The following EYA4 variants were observed in gnomAD, a reference collection of about 807,000 sequenced individuals.
EYA4 encodes the protein EYA transcriptional coactivator and phosphatase 4, also known as protein phosphatase EYA4.
Under a neutral mutation model 87.9 loss-of-function variants are expected in EYA4, and 31 were observed. That is an observed-to-expected ratio of 0.35 (90% CI 0.27 to 0.48). The LOEUF (loss-of-function observed/expected upper bound fraction) is 0.48. EYA4 is among the 20% of genes least tolerant of loss of function. The pLI, the probability that EYA4 is intolerant of heterozygous loss-of-function variation, is 0.99. For missense variants in EYA4, 678 were observed against 761.4 expected (o/e 0.89, Z 1.29); for synonymous variants, 263 against 270.6 (o/e 0.97, Z 0.28).
intron 11 of EYA4, among the ~76,000 whole-genome samples, chr6:133,477,979 A>T (rs1795889411): frequency 6.6e-6 from 1 of 152,130 alleles, no homozygotes. Context: ...ATATCAAATG[A>T]GCAAGAAACA....
chr6:133,255,729 T>C (rs1178098129), intron 1 of EYA4, among the ~76,000 whole-genome samples: 1 of 152,100 alleles, frequency 6.6e-6, no homozygotes, highest in Non-Finnish European at 1.5e-5. Context: ...TGCTGAATCT[T>C]GAATATTTTT....
At chr6:133,312,222 CTGTTAAGGATTTCTAATAAGCTGAA>C (rs1278863291) in intron 2 of EYA4, among the ~76,000 whole-genome samples, 1 of 151,966 alleles carries the variant, frequency 6.6e-6, no homozygotes, top group African/African-American at 2.4e-5. Flanking sequence ...CGGTTACCTG[CTGTTAAGGATTTCTAATAAGCTGAA>C]TGTGGGGAGG....
chr6:133,481,437 C>T, intron 11 of EYA4, 26 bp from the exon 12 acceptor site: 1 of 1,610,450 alleles, frequency 6.2e-7, no homozygotes, highest in Non-Finnish European at 8.5e-7. Flanking sequence ...AAGTGCTATT[C>T]TTGACCTAAG....
intron 2 of EYA4, among the ~76,000 whole-genome samples, chr6:133,321,890 T>C (rs1047747548): frequency 6.6e-6 from 1 of 152,218 alleles, no homozygotes; most frequent in African/African-American, 2.4e-5. Context: ...AGGAGCCAGA[T>C]TCTTGCCTGC....
intron 2 of EYA4, among the ~76,000 whole-genome samples, chr6:133,317,853 G>A (rs1780746239): frequency 6.8e-6 from 1 of 147,550 alleles, no homozygotes; most frequent in Non-Finnish European, 1.5e-5. Context: ...ATCCTCCCAT[G>A]CCCGCATCCA....
At chr6:133,491,309 C>A (rs1487597347) in intron 13 of EYA4, among the ~76,000 whole-genome samples, 1 of 151,418 alleles carries the variant, frequency 6.6e-6, no homozygotes, top group Admixed American at 6.6e-5. Flanking sequence ...TAGAAAAGAT[C>A]AGAGAAGAAA....
chr6:133,248,765 C>T (rs1409410427), intron 1 of EYA4: 1 of 152,116 alleles, frequency 6.6e-6, no homozygotes, highest in Non-Finnish European at 1.5e-5. Flanking sequence ...ATTCAGATTT[C>T]CTTTTGCAGG....
chr6:133,475,620 G>T (rs1795653826), intron 11 of EYA4, among the ~76,000 whole-genome samples: 1 of 152,124 alleles, frequency 6.6e-6, no homozygotes, highest in Admixed American at 6.6e-5. Flanking sequence ...AAACTAACAA[G>T]AGGATTTAGA....
intron 3 of EYA4, among the ~76,000 whole-genome samples, chr6:133,439,046 T>A (rs1791987858): frequency 3.1e-5 from 1 of 32,644 alleles, no homozygotes; most frequent in Non-Finnish European, 5.6e-5. Flanking sequence ...CGAGACTCCG[T>A]CTCAAAAAAA....
intron 2 of EYA4, among the ~76,000 whole-genome samples, chr6:133,327,256 C>T (rs1487281988): frequency 2.0e-5 from 3 of 151,940 alleles, no homozygotes; most frequent in Non-Finnish European, 4.4e-5. Context: ...TCCTGTGTCA[C>T]CCTCCCGAGT....
rs1779693660 is a variant in EYA4, at chr6:133,304,931, G to T, written c.33+30118G>T. Among the ~76,000 whole-genome samples, 5 of 152,256 alleles carry T rather than the reference G, an allele frequency of 3.3e-5. No homozygotes were observed. The South Asian group carries it at 1.0e-3, about 32-fold the overall frequency. On this transcript the variant is annotated intron_variant, in intron 2 of 19. Coordinates refer to ENST00000355286, the MANE Select transcript of EYA4 (RefSeq NM_004100.5). ...ATAATATCAGTGAAATATACAGTCT[G>T]TTAAATGGTGGGTGGAGGATAAAGA...
chr6:133,431,400 T>C (rs145039186), intron 3 of EYA4, among the ~76,000 whole-genome samples: 20 of 152,328 alleles, frequency 1.3e-4, no homozygotes, highest in African/African-American at 4.8e-4. Flanking sequence ...TTTTGTTTCC[T>C]TGAAATATTT....
intron 1 of EYA4, among the ~76,000 whole-genome samples, chr6:133,273,508 G>A (rs949272886): frequency 3.3e-5 from 5 of 152,196 alleles, no homozygotes; most frequent in Admixed American, 3.3e-4. Context: ...CACAGTGTCC[G>A]ATTGTTTCTT....
intron 3 of EYA4, among the ~76,000 whole-genome samples, chr6:133,437,596 G>T (rs1249522897): frequency 1.3e-5 from 2 of 152,158 alleles, no homozygotes; most frequent in Non-Finnish European, 2.9e-5. Flanking sequence ...CTGCTGTAAA[G>T]AACTGCCCAA....
intron 17 of EYA4, among the ~76,000 whole-genome samples, chr6:133,516,080 T>C (rs557793031): frequency 6.7e-6 from 1 of 148,998 alleles, no homozygotes; most frequent in Non-Finnish European, 1.5e-5. Context: ...TGGAACGTGA[T>C]AGCTGGTAAG....
At chr6:133,454,266 CTG>C (rs1293295100) in intron 5 of EYA4, among the ~76,000 whole-genome samples, 1 of 152,148 alleles carries the variant, frequency 6.6e-6, no homozygotes, top group African/African-American at 2.4e-5. Flanking sequence ...CTCTGATAAA[CTG>C]TTTCTTAGTT....
chr6:133,370,196 T>C (rs2128462102), intron 2 of EYA4, among the ~76,000 whole-genome samples: 1 of 152,300 alleles, frequency 6.6e-6, no homozygotes, highest in Non-Finnish European at 1.5e-5. Flanking sequence ...CTGGAATTTA[T>C]TGGCTGCTGA....
chr6:133,328,040 T>A (rs774056458), intron 2 of EYA4, among the ~76,000 whole-genome samples: 1 of 152,094 alleles, frequency 6.6e-6, no homozygotes, highest in Non-Finnish European at 1.5e-5. Flanking sequence ...TAAGTTAGAG[T>A]CTTTGGGAAA....
chr6:133,525,132 C>CT, intron 18 of EYA4, 22 bp from the exon 19 acceptor site: 1 of 1,613,584 alleles, frequency 6.2e-7, no homozygotes, highest in East Asian at 2.2e-5. Context: ...TCACTCTGAA[C>CT]TTTATCTCAT....
Sources: allele counts gnomAD v4.1 joint callset (sites outside exome capture counted in the v4.1 genomes callset), GRCh38; gene constraint gnomAD v4.1.1; transcripts MANE v1.5; gene names NCBI Gene and HGNC (gene_info 2026-07-23, HGNC 2026-07-21).